Variants in MGAT4C observed in about 807,000 individuals in gnomAD.
MGAT4C encodes alpha-1,3-mannosyl-glycoprotein 4-beta-N-acetylglucosaminyltransferase C.
MGAT4C carries 19 observed loss-of-function variants against 40.1 expected under a neutral mutation model. That is an observed-to-expected ratio of 0.47 (90% confidence interval 0.33 to 0.70). MGAT4C has a LOEUF of 0.70. Ranked by LOEUF, MGAT4C falls within the 30% of genes least tolerant of loss-of-function variation. MGAT4C has a pLI of 0.02. For missense variants in MGAT4C, 491 were observed against 563.2 expected (o/e 0.87, Z 1.30); for synonymous variants, 181 against 187.1 (o/e 0.97, Z 0.27).
At chr12:86,437,604 T>A (rs1357849339) in intron 2 of MGAT4C, among the ~76,000 whole-genome samples, 1 of 151,962 alleles carries the variant, frequency 6.6e-6, no homozygotes, top group Non-Finnish European at 1.5e-5. Context: ...ACTTTGTAGA[T>A]ATTGCAGTTT....
intron 4 of MGAT4C, among the ~76,000 whole-genome samples, chr12:86,265,180 G>T (rs1434228541): frequency 2.0e-5 from 3 of 151,340 alleles, no homozygotes; most frequent in Admixed American, 6.6e-5. Flanking sequence ...ATCCCTCACT[G>T]CTCCACGCCT....
At chr12:86,465,772 T>C (rs549432845) in intron 2 of MGAT4C, among the ~76,000 whole-genome samples, 1 of 152,294 alleles carries the variant, frequency 6.6e-6, no homozygotes, top group Admixed American at 6.5e-5. Context: ...CTCTCTTTCA[T>C]TGGTGGTGGG....
At chr12:86,208,463 T>TCAA (rs1471265222) in intron 1 of MGAT4C, among the ~76,000 whole-genome samples, 1 of 152,056 alleles carries the variant, frequency 6.6e-6, no homozygotes, top group African/African-American at 2.4e-5. Context: ...TGAGACTGTC[T>TCAA]CAACAACAAC....
chr12:86,789,608 T>C (rs1951989902), intron 1 of MGAT4C, among the ~76,000 whole-genome samples: 1 of 152,128 alleles, frequency 6.6e-6, no homozygotes, highest in African/African-American at 2.4e-5. Flanking sequence ...GTTTTATCTG[T>C]GAACATGGTA....
At chr12:86,814,874 C>A (rs571450268) in intron 1 of MGAT4C, among the ~76,000 whole-genome samples, 1 of 151,988 alleles carries the variant, frequency 6.6e-6, no homozygotes, top group Non-Finnish European at 1.5e-5. Context: ...TTATTTTGAA[C>A]TTGATCTTGG....
rs1335947941 is a variant in MGAT4C at position 85,980,149 on chromosome 12, C to T, written c.577G>A (p.Glu193Lys). 2 of 1,613,876 alleles carry T rather than the reference C, an allele frequency of 1.2e-6. No homozygotes were observed. The highest frequency in any genetic ancestry group is 2.7e-5 in the African/African-American group (2 of 74,912). Residue 193 changes from glutamate (E) to lysine (K), a missense_variant, in exon 5 of 5, where the codon GAA (glutamate) becomes AAA (lysine). By Grantham distance (56) the Glu-to-Lys change is moderately conservative (BLOSUM62 1). Coordinates refer to ENST00000611864, the MANE Select transcript of MGAT4C (RefSeq NM_001351288.2). ...TTGGAACGAAATTTGACTCTATCTTCTGGATCATTGTAATTTCTTTTAAGG... is the reference window on the plus strand; with the variant it reads ...TTGGAACGAAATTTGACTCTATCTTTTGGATCATTGTAATTTCTTTTAAGG... Reference protein sequence around the residue: ...DGLKRNYNDPEDRVKFRSKQN... With the variant: ...DGLKRNYNDPKDRVKFRSKQN...
chr12:86,001,520 G>C (rs1297384148), intron 2 of MGAT4C: 1 of 537,092 alleles, frequency 1.9e-6, no homozygotes, highest in Non-Finnish European at 2.4e-6. Flanking sequence ...TTCACTTCTG[G>C]TTGATTGATG....
chr12:86,216,741 A>T lies in MGAT4C; in HGVS notation c.-57+39498T>A, dbSNP rs546014045. ...TAACCTGAATACTTTTCAAGTTTAC[A>T]TGACTTGGCTAATCCTTGGTAAAAA... On this transcript the variant is annotated intron_variant, in intron 1 of 4. Transcript: ENST00000611864. 2.0e-5 allele frequency among the ~76,000 whole-genome samples: 3 copies of T among 152,358 alleles called. No individual in the cohort carries two copies. The South Asian group carries it at 6.2e-4, about 32-fold the overall frequency.
chr12:86,720,007 G>A lies in MGAT4C; in HGVS notation c.-229+7202C>T, dbSNP rs538039807. Among the ~76,000 whole-genome samples the A allele has an allele frequency of 8.5e-5, 13 of 152,208 alleles. No individual in the cohort carries two copies. The South Asian group carries it at 2.5e-3, about 29-fold the overall frequency. On this transcript the variant is annotated intron_variant, in intron 2 of 7. Transcript: ENST00000548651. ...GGTCTTTTGGGATCCTTAACAGAGG[G>A]CTATCTTGAATTTGATCTTTCATTA...
At chr12:86,657,258 A>T (rs1288903331) in intron 2 of MGAT4C, among the ~76,000 whole-genome samples, 1 of 151,974 alleles carries the variant, frequency 6.6e-6, no homozygotes, top group Non-Finnish European at 1.5e-5. Context: ...GAGTGAAAAC[A>T]ATGTAAGTGG....
At chr12:86,838,243 C>G (rs1183823941) in intron 1 of MGAT4C, among the ~76,000 whole-genome samples, 1 of 152,044 alleles carries the variant, frequency 6.6e-6, no homozygotes, top group African/African-American at 2.4e-5. Context: ...TAAATACAAG[C>G]ATTTGAGACA....
At chr12:86,245,769 TTCC>T (rs776803828) in intron 1 of MGAT4C, among the ~76,000 whole-genome samples, 119 of 152,276 alleles carry the variant, frequency 7.8e-4, no homozygotes, top group Admixed American at 1.4e-3. Context: ...GAATATAATT[TTCC>T]TCCTCTTTAG....
At chr12:86,681,089 T>TCCACAGA (rs1949973122) in intron 2 of MGAT4C, among the ~76,000 whole-genome samples, 1 of 151,876 alleles carries the variant, frequency 6.6e-6, no homozygotes, top group Admixed American at 6.6e-5. Context: ...AAATAAAATA[T>TCCACAGA]ATATTACTTA....
intron 1 of MGAT4C, among the ~76,000 whole-genome samples, chr12:86,734,662 C>T (rs964505980): frequency 6.6e-6 from 1 of 152,000 alleles, no homozygotes; most frequent in Non-Finnish European, 1.5e-5. Flanking sequence ...AAGAAGACCA[C>T]CGTCTACAAA....
At chr12:85,997,922 A>G (rs1445541806) in intron 2 of MGAT4C, among the ~76,000 whole-genome samples, 1 of 152,186 alleles carries the variant, frequency 6.6e-6, no homozygotes, top group Non-Finnish European at 1.5e-5. Context: ...GTGCTCCAGT[A>G]GGGACTCAGT....
intron 1 of MGAT4C, among the ~76,000 whole-genome samples, chr12:86,826,327 T>C (rs1315824226): frequency 3.3e-5 from 5 of 151,450 alleles, no homozygotes; most frequent in African/African-American, 4.8e-5. Flanking sequence ...TGAGGTCACA[T>C]TTATTTCATG....
At chr12:86,343,177 G>A (rs186761485) in intron 3 of MGAT4C, among the ~76,000 whole-genome samples, 94 of 152,256 alleles carry the variant, frequency 6.2e-4, no homozygotes, top group Non-Finnish European at 1.1e-3. Context: ...GCAGAAGACA[G>A]GAAGAGATGA....
chr12:86,054,838 A>G (rs1007466625), intron 1 of MGAT4C, among the ~76,000 whole-genome samples: 1 of 151,658 alleles, frequency 6.6e-6, no homozygotes, highest in African/African-American at 2.4e-5. Context: ...TTGGATGAAA[A>G]TAATTTCTGT....
At chr12:86,029,433 G>T (rs1890538165) in intron 2 of MGAT4C, among the ~76,000 whole-genome samples, 1 of 151,800 alleles carries the variant, frequency 6.6e-6, no homozygotes, top group African/African-American at 2.4e-5. Context: ...AAACTGGTTG[G>T]ACAGAGATCT....
Sources: allele counts gnomAD v4.1 joint callset (sites outside exome capture counted in the v4.1 genomes callset), GRCh38; gene constraint gnomAD v4.1.1; transcripts MANE v1.5; gene names NCBI Gene and HGNC (gene_info 2026-07-23, HGNC 2026-07-21).